PKD2: variants seen among roughly 807,000 people sequenced by gnomAD.
PKD2 encodes the protein polycystin-2.
In PKD2, 48 loss-of-function variants were observed where a neutral mutation model predicts 105.9. That is an observed-to-expected ratio of 0.45 (90% CI 0.36 to 0.58). PKD2 has a LOEUF of 0.58. Among genes scored for constraint, PKD2 ranks in the 20% least tolerant of loss-of-function variants. PKD2 has a pLI of 0.00. For missense variants in PKD2, 1,078 were observed against 1,255.3 expected (o/e 0.86, Z 2.13); for synonymous variants, 464 against 481.1 (o/e 0.96, Z 0.46).
At chr4:88,027,437 T>C (rs982775015) in intron 2 of PKD2, among the ~76,000 whole-genome samples, 2 of 152,218 alleles carry the variant, frequency 1.3e-5, no homozygotes, top group Non-Finnish European at 2.9e-5. Flanking sequence ...TGGGAACATA[T>C]ACCCAATGCC....
intron 2 of PKD2, among the ~76,000 whole-genome samples, chr4:88,023,516 C>A (rs1222845551): frequency 6.6e-6 from 1 of 152,136 alleles, no homozygotes; most frequent in African/African-American, 2.4e-5. Context: ...TATCACCTTG[C>A]ATAGTAGGTA....
At chr4:88,059,673 T>C (rs939156310) in intron 9 of PKD2, among the ~76,000 whole-genome samples, 8 of 152,158 alleles carry the variant, frequency 5.3e-5, no homozygotes, top group African/African-American at 1.9e-4. Context: ...ATTGTTTTTT[T>C]GTACGACTGC....
intron 4 of PKD2, among the ~76,000 whole-genome samples, chr4:88,039,154 G>T (rs182894666): frequency 6.6e-6 from 1 of 152,112 alleles, no homozygotes; most frequent in African/African-American, 2.4e-5. Context: ...GGGCCTTTGC[G>T]GTTGCTGTCC....
intron 4 of PKD2, among the ~76,000 whole-genome samples, chr4:88,041,587 T>G (rs1336083732): frequency 6.6e-6 from 1 of 152,200 alleles, no homozygotes; most frequent in African/African-American, 2.4e-5. Flanking sequence ...TAGCAACATG[T>G]GTGAAATGTC....
At chr4:88,051,873 A>G in intron 6 of PKD2, 118 bp from the exon 7 acceptor site, 1 of 617,628 alleles carries the variant, frequency 1.6e-6, no homozygotes, top group Non-Finnish European at 2.9e-6. Flanking sequence ...ACATCGGGTA[A>G]GTATAATGGT....
chr4:88,014,450 G>A (rs1241483800), intron 1 of PKD2, among the ~76,000 whole-genome samples: 3 of 147,830 alleles, frequency 2.0e-5, no homozygotes, highest in Non-Finnish European at 3.0e-5. Context: ...CTGGGAATCC[G>A]AGATCAGCCT....
chr4:88,076,115 A>C lies in PKD2; in HGVS notation c.*421A>C. 4.8e-6 allele frequency: 1 copy of C among 207,096 alleles called. No individual in the cohort carries two copies. Among genetic ancestry groups the C allele is most frequent in the African/African-American group, 2.4e-5 (1 of 42,344 alleles). 12.8% of individuals were successfully genotyped at this position (207,096 alleles called of 1,614,324 possible). A position where few individuals can be genotyped will look rare whatever the true frequency, so the allele number is the denominator to read the frequency against. On this transcript the variant is annotated 3_prime_UTR_variant, in exon 15 of 15. Transcript: ENST00000237596. ...GAAGGAAAATGGGGCATTCCTTTCC[A>C]CTCTGGCATAGTTCATGAGCTTAAT...
At chr4:88,018,951 C>T (rs980468092) in intron 1 of PKD2, among the ~76,000 whole-genome samples, 11 of 152,158 alleles carry the variant, frequency 7.2e-5, no homozygotes, top group African/African-American at 2.7e-4. Context: ...AGAAGCATAA[C>T]ATGTTTCTAT....
intron 7 of PKD2, among the ~76,000 whole-genome samples, chr4:88,054,719 A>G (rs966378866): frequency 1.4e-5 from 2 of 147,248 alleles, no homozygotes; most frequent in East Asian, 2.0e-4. Context: ...CAGTGGCACA[A>G]TCTTAGCTCA....
chr4:88,035,449 G>GAACCAAC (rs1292448260), intron 2 of PKD2, among the ~76,000 whole-genome samples: 2 of 152,190 alleles, frequency 1.3e-5, no homozygotes, highest in Admixed American at 6.5e-5. Context: ...GGGGTTAAGA[G>GAACCAAC]AACCAACAAG....
intron 2 of PKD2, among the ~76,000 whole-genome samples, chr4:88,030,426 A>G (rs1172553812): frequency 6.6e-6 from 1 of 152,220 alleles, no homozygotes; most frequent in Admixed American, 6.5e-5. Context: ...TCCATTTAAC[A>G]TGCTATCTCA....
chr4:88,056,428 G>A (rs1000867422), intron 8 of PKD2, among the ~76,000 whole-genome samples, 161 bp downstream of exon 8: 11 of 152,166 alleles, frequency 7.2e-5, no homozygotes, highest in African/African-American at 2.7e-4. Context: ...ATCTACCCAT[G>A]CAAAGAAGAC....
intron 9 of PKD2, among the ~76,000 whole-genome samples, chr4:88,060,270 T>C (rs150427056): frequency 0.012 from 1,875 of 152,288 alleles, 44 homozygotes; most frequent in South Asian, 0.098. Context: ...CACTTGGAAT[T>C]GAGCATTTAG....
At position 88,076,618 on chromosome 4, in the gene PKD2, A is replaced by G. The variant is rs890314845; in HGVS notation, c.*924A>G. ...ATGCACTGAAAGTTTTTATCCAACA[A>G]TTATGTTCATTTTAAGCAAAATTTT... On this transcript the variant is annotated 3_prime_UTR_variant, in exon 15 of 15. Coordinates refer to ENST00000237596, the MANE Select transcript of PKD2 (RefSeq NM_000297.4). 48 of 152,212 alleles carry G rather than the reference A, an allele frequency of 3.2e-4. No individual in the cohort carries two copies. The highest frequency in any genetic ancestry group is 1.0e-3 in the African/African-American group (42 of 41,456). 9.4% of individuals were successfully genotyped at this position (152,212 alleles called of 1,614,324 possible).
intron 10 of PKD2, among the ~76,000 whole-genome samples, chr4:88,064,340 A>G (rs1244871959): frequency 2.0e-5 from 3 of 152,140 alleles, no homozygotes; most frequent in East Asian, 1.9e-4. Flanking sequence ...GAAATAAAAC[A>G]CTTTAGTTTT....
chr4:88,043,673 A>G (rs1422508456), intron 5 of PKD2, among the ~76,000 whole-genome samples: 1 of 152,216 alleles, frequency 6.6e-6, no homozygotes, highest in East Asian at 1.9e-4. Flanking sequence ...AGTTGGAAAG[A>G]ACCATAACTC....
chr4:88,053,272 C>T (rs748521641), intron 7 of PKD2, among the ~76,000 whole-genome samples: 4 of 152,172 alleles, frequency 2.6e-5, no homozygotes, highest in Non-Finnish European at 5.9e-5. Context: ...CATCACAGAA[C>T]GTTCTCTTGA....
At chr4:88,010,477 C>G (rs1726348304) in intron 1 of PKD2, among the ~76,000 whole-genome samples, 1 of 152,138 alleles carries the variant, frequency 6.6e-6, no homozygotes, top group African/African-American at 2.4e-5. Context: ...AATAAATAGC[C>G]ATGAATGGGT....
At chr4:88,029,237 T>C (rs573518632) in intron 2 of PKD2, among the ~76,000 whole-genome samples, 2 of 152,346 alleles carry the variant, frequency 1.3e-5, no homozygotes, top group African/African-American at 4.8e-5. Context: ...TGTGTTCACT[T>C]GCTTCGCTTT....
Sources: gnomAD v4.1 joint callset for allele counts (sites outside exome capture counted in the v4.1 genomes callset) on GRCh38, gnomAD v4.1.1 for gene constraint, MANE v1.5 for transcripts, NCBI Gene and HGNC (gene_info 2026-07-23, HGNC 2026-07-21) for gene names.